The following ZMIZ1 variants were observed in gnomAD, a reference collection of about 807,000 sequenced individuals.
ZMIZ1 encodes zinc finger MIZ domain-containing protein 1.
A neutral mutation model predicts 113.9 loss-of-function variants in ZMIZ1; 17 were observed. The ratio of observed to expected loss-of-function variants is 0.15; its 90% CI spans 0.10 to 0.22. The LOEUF is 0.22. Ranked by LOEUF, ZMIZ1 falls within the 10% of genes least tolerant of loss-of-function variation. The probability of loss-of-function intolerance (pLI) is 1.00; values close to 1 mark genes in which losing one functional copy is unlikely to be tolerated. For missense variants in ZMIZ1, 1,059 were observed against 1,477.8 expected (o/e 0.72, Z 4.65); for synonymous variants, 607 against 603.1 (o/e 1.01, Z -0.09).
intron 7 of ZMIZ1, among the ~76,000 whole-genome samples, chr10:79,245,704 G>T (rs1850149707): frequency 6.6e-6 from 1 of 152,210 alleles, no homozygotes; most frequent in Non-Finnish European, 1.5e-5. Flanking sequence ...CTTCCTGAAT[G>T]TTGCCCCAGG....
rs546801222 is a variant in ZMIZ1 at position 79,127,448 on chromosome 10, C to T, written c.-227+8424C>T. ...CCGTCAGATGGCCCAGGTTCCTGCTCGGGAAGCCCATTCTTTTCTGGAATA... is the reference window on the plus strand; with the variant it reads ...CCGTCAGATGGCCCAGGTTCCTGCTTGGGAAGCCCATTCTTTTCTGGAATA... On this transcript the variant is annotated intron_variant, in intron 2 of 24. Transcript: ENST00000334512. Among the ~76,000 whole-genome samples the T allele has an allele frequency of 5.2e-3, 789 of 152,174 alleles. 5 individuals are homozygous for T. Among genetic ancestry groups the T allele is most frequent in the Non-Finnish European group, 7.8e-3 (529 of 67,984 alleles).
At chr10:79,253,545 C>T (rs964519233) in intron 7 of ZMIZ1, among the ~76,000 whole-genome samples, 84 of 152,186 alleles carry the variant, frequency 5.5e-4, no homozygotes, top group Non-Finnish European at 1.1e-3. Flanking sequence ...GCAGTGGCTT[C>T]TCCTCACCCA....
chr10:79,282,872 A>G (rs1027409870), intron 8 of ZMIZ1, among the ~76,000 whole-genome samples: 1 of 152,222 alleles, frequency 6.6e-6, no homozygotes, highest in South Asian at 2.1e-4. Flanking sequence ...CCAGGATACT[A>G]TACAAGAGAA....
At chr10:79,292,647 T>C in intron 11 of ZMIZ1, 2 of 508,946 alleles carry the variant, frequency 3.9e-6, no homozygotes, top group Non-Finnish European at 7.4e-6. Context: ...GAAAAGGTTC[T>C]ACATGGCTCT....
At chr10:79,172,796 A>T (rs1846656004) in intron 4 of ZMIZ1, among the ~76,000 whole-genome samples, 1 of 152,246 alleles carries the variant, frequency 6.6e-6, no homozygotes. Flanking sequence ...ATCAAACTTT[A>T]CACAGGTCCT....
intron 1 of ZMIZ1, among the ~76,000 whole-genome samples, chr10:79,095,170 A>G (rs112154470): frequency 0.017 from 2,641 of 152,202 alleles, 29 homozygotes; most frequent in Non-Finnish European, 0.026. Context: ...TCATGGGTAG[A>G]AAGTGGGAAC....
At chr10:79,272,870 G>A (rs183761994) in intron 7 of ZMIZ1, among the ~76,000 whole-genome samples, 1 of 152,358 alleles carries the variant, frequency 6.6e-6, no homozygotes, top group East Asian at 1.9e-4. Context: ...TCGAGTCTGG[G>A]ATGATTCCCT....
chr10:79,298,903 C>T, intron 15 of ZMIZ1, 147 bp from the exon 16 acceptor site: 2 of 1,068,140 alleles, frequency 1.9e-6, no homozygotes, highest in Admixed American at 2.9e-5. Context: ...CACTGGTGTG[C>T]CCTTGGACTG....
In ZMIZ1 at chr10:79,310,140, G is replaced by A. The variant is rs562863766; in HGVS notation, c.2836-784G>A. Among the ~76,000 whole-genome samples the A allele has an allele frequency of 7.2e-5, 11 of 152,298 alleles. No individual in the cohort carries two copies. In the South Asian group the frequency reaches 1.0e-3, roughly 14 times the overall value. On this transcript the variant is annotated intron_variant, in intron 23 of 24. Transcript: ENST00000334512. ...ACCCTCAGCAAGACACCCACCATTGGTGAACCGTCACTCAGTCTCCTTGTC... is the reference window on the plus strand; with the variant it reads ...ACCCTCAGCAAGACACCCACCATTGATGAACCGTCACTCAGTCTCCTTGTC...
At chr10:79,142,402 C>A (rs571873509) in intron 3 of ZMIZ1, among the ~76,000 whole-genome samples, 47 of 152,188 alleles carry the variant, frequency 3.1e-4, no homozygotes, top group South Asian at 2.7e-3. Flanking sequence ...ACGGGGCACC[C>A]AGCCGTTTAG....
chr10:79,076,940 C>G (rs1005132766), intron 1 of ZMIZ1, among the ~76,000 whole-genome samples: 1 of 152,178 alleles, frequency 6.6e-6, no homozygotes, highest in African/African-American at 2.4e-5. Context: ...CTTCCCATAC[C>G]TCCCCTCTCC....
rs1391255863 is a variant in ZMIZ1, at chr10:79,111,478, CAG to C, written c.-336-7434_-336-7433del. ...GTTTGGCCTGCCCTGGACCAAAGAG[CAG>C]AGTCTTTCCTCTCGATGGCTAGTGG... On this transcript the variant is annotated intron_variant, in intron 1 of 24. Coordinates refer to ENST00000334512, the MANE Select transcript of ZMIZ1 (RefSeq NM_020338.4). Among the ~76,000 whole-genome samples the C allele has an allele frequency of 4.6e-5, 7 of 152,168 alleles. 1 individual carries two copies. The highest frequency in any genetic ancestry group is 1.7e-4 in the African/African-American group (7 of 41,434).
chr10:79,116,838 C>A (rs908976028), intron 1 of ZMIZ1, among the ~76,000 whole-genome samples: 8 of 152,244 alleles, frequency 5.3e-5, no homozygotes, highest in Non-Finnish European at 1.0e-4. Flanking sequence ...ACTGCCCCCT[C>A]AAGGATACCG....
chr10:79,256,354 C>T (rs1017014454), intron 7 of ZMIZ1, among the ~76,000 whole-genome samples: 4 of 152,148 alleles, frequency 2.6e-5, no homozygotes, highest in Non-Finnish European at 5.9e-5. Context: ...GGCACCCACC[C>T]CACAGTAGCC....
intron 4 of ZMIZ1, among the ~76,000 whole-genome samples, chr10:79,182,464 G>A (rs1168610521): frequency 6.6e-6 from 1 of 152,156 alleles, no homozygotes; most frequent in Non-Finnish European, 1.5e-5. Flanking sequence ...TGGGGGGAGA[G>A]TGTCAGCTGG....
intron 2 of ZMIZ1, among the ~76,000 whole-genome samples, chr10:79,134,907 C>T (rs1844933962): frequency 6.6e-6 from 1 of 152,048 alleles, no homozygotes; most frequent in African/African-American, 2.4e-5. Context: ...CAACCTCTGC[C>T]TCCCGGGTTC....
Position 79,305,142 on chromosome 10 carries a change from GTGTCTGTC to G in ZMIZ1, c.2287-11_2287-4del. ...GTTTCTGACAGTCCTGGTCTCACCTGTGTCTGTCTGTCTGTCTGCAGTGCTTTGATCTG... is the reference window on the plus strand; with the variant it reads ...GTTTCTGACAGTCCTGGTCTCACCTGTGTCTGTCTGCAGTGCTTTGATCTG... On this transcript the variant is annotated splice_polypyrimidine_tract_variant and intron_variant, in intron 19 of 24. Coordinates refer to ENST00000334512, the MANE Select transcript of ZMIZ1 (RefSeq NM_020338.4). The G allele has an allele frequency of 6.2e-7, 1 of 1,613,546 alleles. No individual in the cohort carries two copies.
chr10:79,160,821 G>C (rs1364306833), intron 3 of ZMIZ1, among the ~76,000 whole-genome samples: 1 of 152,250 alleles, frequency 6.6e-6, no homozygotes, highest in African/African-American at 2.4e-5. Flanking sequence ...TGTGAGCCAC[G>C]ATCTTTGTTC....
At chr10:79,306,798 G>A (rs1383845135) in intron 22 of ZMIZ1, among the ~76,000 whole-genome samples, 2 of 152,158 alleles carry the variant, frequency 1.3e-5, no homozygotes, top group African/African-American at 4.8e-5. Flanking sequence ...CCCCCACTGG[G>A]TGGCAGCTCC....
Sources: gnomAD v4.1 joint callset for allele counts (sites outside exome capture counted in the v4.1 genomes callset) on GRCh38, gnomAD v4.1.1 for gene constraint, MANE v1.5 for transcripts, NCBI Gene and HGNC (gene_info 2026-07-23, HGNC 2026-07-21) for gene names.